Variants in FILIP1 observed in about 807,000 individuals in gnomAD.
The protein encoded by FILIP1 is filamin A interacting protein 1, also known as filamin-A-interacting protein 1.
FILIP1 carries 61 observed loss-of-function variants against 102.1 expected under a neutral mutation model. The ratio of observed to expected loss-of-function variants is 0.60; its 90% CI spans 0.49 to 0.74. The LOEUF (loss-of-function observed/expected upper bound fraction) is 0.74, where lower values mean the gene tolerates loss of function less well. Ranked by LOEUF, FILIP1 falls within the 30% of genes least tolerant of loss-of-function variation. The probability of loss-of-function intolerance (pLI) is 0.00; values close to 1 mark genes in which losing one functional copy is unlikely to be tolerated. For synonymous variants in FILIP1, 491 were observed against 526.9 expected (o/e 0.93, Z 0.93); for missense variants, 1,314 against 1,441.2 (o/e 0.91, Z 1.43).
intron 4 of FILIP1, among the ~76,000 whole-genome samples, chr6:75,347,676 C>A (rs1774637959): frequency 9.0e-6 from 1 of 110,948 alleles, no homozygotes; most frequent in African/African-American, 3.9e-5. Flanking sequence ...GATCCCAGTC[C>A]ACTAGAGCAA....
chr6:75,486,774 G>C (rs1044277125), intron 1 of FILIP1, among the ~76,000 whole-genome samples: 15 of 151,998 alleles, frequency 9.9e-5, no homozygotes, highest in African/African-American at 2.9e-4. Flanking sequence ...TAAAATGCTT[G>C]GCACAATTCC....
At chr6:75,330,233 C>T (rs1774028031) in intron 4 of FILIP1, among the ~76,000 whole-genome samples, 1 of 152,164 alleles carries the variant, frequency 6.6e-6, no homozygotes, top group African/African-American at 2.4e-5. Context: ...AGGTGAGAGC[C>T]TCACTTGCCT....
intron 2 of FILIP1, among the ~76,000 whole-genome samples, chr6:75,396,654 A>G (rs1225769599): frequency 6.6e-6 from 1 of 152,118 alleles, no homozygotes; most frequent in African/African-American, 2.4e-5. Context: ...GCAATGAGGC[A>G]GTGATACTCA....
At chr6:75,381,113 A>C (rs1775893859) in intron 2 of FILIP1, among the ~76,000 whole-genome samples, 2 of 152,140 alleles carry the variant, frequency 1.3e-5, no homozygotes, top group Admixed American at 1.3e-4. Context: ...TCACATCTAA[A>C]ATTTCTTTAC....
At chr6:75,420,494 G>A (rs927331246) in intron 1 of FILIP1, among the ~76,000 whole-genome samples, 3 of 152,000 alleles carry the variant, frequency 2.0e-5, no homozygotes, top group Non-Finnish European at 2.9e-5. Flanking sequence ...TCCGGTAGCT[G>A]TCCTCTACTT....
chr6:75,422,625 G>C (rs1469251086), intron 1 of FILIP1, among the ~76,000 whole-genome samples: 1 of 152,074 alleles, frequency 6.6e-6, no homozygotes, highest in Admixed American at 6.6e-5. Context: ...GTCTCTATTT[G>C]CTGAATTATT....
chr6:75,419,534 C>T (rs1043350248), intron 1 of FILIP1, among the ~76,000 whole-genome samples: 1 of 152,012 alleles, frequency 6.6e-6, no homozygotes, highest in Admixed American at 6.6e-5. Context: ...AAGGAAAGCA[C>T]ATAATTACAA....
chr6:75,483,082 G>C (rs1360431521), intron 1 of FILIP1, among the ~76,000 whole-genome samples: 1 of 151,608 alleles, frequency 6.6e-6, no homozygotes, highest in South Asian at 2.1e-4. Flanking sequence ...TTTCATCTTA[G>C]TAAGATTCAT....
At chr6:75,330,848 AGTT>A (rs1395722668) in intron 4 of FILIP1, among the ~76,000 whole-genome samples, 11 of 152,170 alleles carry the variant, frequency 7.2e-5, no homozygotes, top group Non-Finnish European at 1.5e-5. Flanking sequence ...CCTTGGAACT[AGTT>A]GTTGAAAATT....
intron 2 of FILIP1, among the ~76,000 whole-genome samples, chr6:75,383,926 A>T (rs952184048): frequency 6.6e-6 from 1 of 152,170 alleles, no homozygotes; most frequent in South Asian, 2.1e-4. Context: ...AATTCTCCAT[A>T]TACATATATC....
intron 2 of FILIP1, among the ~76,000 whole-genome samples, chr6:75,401,414 G>A (rs964102135): frequency 3.3e-5 from 5 of 152,026 alleles, no homozygotes; most frequent in African/African-American, 9.7e-5. Context: ...TCTCCTTGGT[G>A]TTAATTTTTC....
intron 4 of FILIP1, among the ~76,000 whole-genome samples, chr6:75,345,221 A>C (rs1182026995): frequency 6.6e-6 from 1 of 152,020 alleles, no homozygotes; most frequent in Non-Finnish European, 1.5e-5. Context: ...TCTTATAATC[A>C]GTTTTCTTTG....
intron 6 of FILIP1, among the ~76,000 whole-genome samples, chr6:75,302,862 ATG>A (rs1491533162): frequency 7.2e-5 from 10 of 139,634 alleles, no homozygotes; most frequent in African/African-American, 2.6e-4. Flanking sequence ...ATATGATATG[ATG>A]TATGATATGA....
chr6:75,374,605 C>T (rs553041569), intron 2 of FILIP1, among the ~76,000 whole-genome samples: 78 of 152,282 alleles, frequency 5.1e-4, no homozygotes, highest in African/African-American at 1.9e-3. Context: ...GTCTCGAACT[C>T]CTGACCTCAG....
At chr6:75,457,735 C>T (rs1198517702) in intron 1 of FILIP1, among the ~76,000 whole-genome samples, 1 of 151,922 alleles carries the variant, frequency 6.6e-6, no homozygotes, top group Non-Finnish European at 1.5e-5. Flanking sequence ...CATTGTGTGA[C>T]ATCCCTATCC....
At chr6:75,295,602 A>G (rs1295736227) in exon 7 of FILIP1, 1 of 220,442 alleles carries the variant, frequency 4.5e-6, no homozygotes, top group Non-Finnish European at 8.8e-6. Flanking sequence ...CTTTAGCAAA[A>G]AAAATCACAT....
intron 4 of FILIP1, among the ~76,000 whole-genome samples, chr6:75,336,623 C>T (rs1438277905): frequency 1.3e-5 from 2 of 152,072 alleles, no homozygotes; most frequent in Non-Finnish European, 2.9e-5. Context: ...GGAGGCATTG[C>T]TTATGTTCAA....
At chr6:75,477,275 T>C (rs1779503076) in intron 1 of FILIP1, among the ~76,000 whole-genome samples, 1 of 151,802 alleles carries the variant, frequency 6.6e-6, no homozygotes, top group Admixed American at 6.6e-5. Flanking sequence ...ACGCTTGGAG[T>C]TGGGGAGAGG....
intron 1 of FILIP1, among the ~76,000 whole-genome samples, chr6:75,420,524 C>A (rs1293655343): frequency 1.3e-5 from 2 of 152,080 alleles, no homozygotes; most frequent in Non-Finnish European, 2.9e-5. Context: ...CTAGCCATGA[C>A]CTACTATTCA....
Sources: allele counts gnomAD v4.1 joint callset (sites outside exome capture counted in the v4.1 genomes callset), GRCh38; gene constraint gnomAD v4.1.1; transcripts MANE v1.5; gene names NCBI Gene and HGNC (gene_info 2026-07-23, HGNC 2026-07-21).